The following LIX1L variants were observed in gnomAD, a reference collection of about 807,000 sequenced individuals.
LIX1L encodes limb and CNS expressed 1 like, also known as LIX1-like protein.
A neutral mutation model predicts 34.0 loss-of-function variants in LIX1L; 20 were observed. The observed-to-expected ratio is 0.59, with a 90% CI of 0.41 to 0.85. The LOEUF (loss-of-function observed/expected upper bound fraction) is 0.85, where lower values mean the gene tolerates loss of function less well. LIX1L is among the 40% of genes least tolerant of loss of function. The pLI is 0.00. For synonymous variants in LIX1L, 170 were observed against 187.4 expected (o/e 0.91, Z 0.76); for missense variants, 397 against 447.0 (o/e 0.89, Z 1.01).
intron 1 of LIX1L, among the ~76,000 whole-genome samples, chr1:145,955,631 A>ATT (rs1649447582): frequency 6.6e-6 from 1 of 152,224 alleles, no homozygotes; most frequent in Non-Finnish European, 1.5e-5. Flanking sequence ...CATGTGGTAA[A>ATT]GGACTTCTGA....
At position 145,935,467 on chromosome 1, in the gene LIX1L, T is replaced by G. The variant is rs587611328; in HGVS notation, c.*843A>C. On this transcript the variant is annotated 3_prime_UTR_variant, in exon 6 of 6. Coordinates refer to ENST00000604000, the MANE Select transcript of LIX1L (RefSeq NM_153713.3). ...ATAAAATGTTAGGTGAAGGGAAATA[T>G]GGAAATATGTTTTACTTTCTACTAA... 2.6e-5 allele frequency: 4 copies of G among 152,488 alleles called. No individual in the cohort carries two copies. Among genetic ancestry groups the G allele is most frequent in the African/African-American group, 4.8e-5 (2 of 41,586 alleles). The allele number at this position is 152,488 out of a possible 1,614,324, so 9.4% of individuals were successfully genotyped here. A position where few individuals can be genotyped will look rare whatever the true frequency, so the allele number is the denominator to read the frequency against.
intron 1 of LIX1L, 97 bp from the exon 2 acceptor site, chr1:145,947,879 G>GT (rs1649167679): frequency 3.7e-6 from 4 of 1,081,726 alleles, no homozygotes; most frequent in Non-Finnish European, 5.5e-6. Flanking sequence ...CCTACATTAA[G>GT]AGTCTGCCCC....
At chr1:145,942,513 TA>T (rs1442891765) in intron 3 of LIX1L, among the ~76,000 whole-genome samples, 199 bp downstream of exon 3, 3 of 151,976 alleles carry the variant, frequency 2.0e-5, no homozygotes, top group African/African-American at 7.3e-5. Flanking sequence ...AAAAAACACA[TA>T]AACACAGATA....
At chr1:145,942,988 T>G in intron 2 of LIX1L, 135 bp from the exon 3 acceptor site, 1 of 850,918 alleles carries the variant, frequency 1.2e-6, no homozygotes, top group South Asian at 1.7e-5. Context: ...CAACACACTT[T>G]CCAAGGTTTT....
chr1:145,937,778 A>G, intron 3 of LIX1L, 79 bp from the exon 4 acceptor site: 1 of 846,488 alleles, frequency 1.2e-6, no homozygotes, highest in South Asian at 1.4e-5. Flanking sequence ...CAGTAGAAAT[A>G]TAATGCAAGC....
chr1:145,941,090 A>C (rs1648898355), intron 3 of LIX1L: 2 of 152,168 alleles, frequency 1.3e-5, no homozygotes, highest in African/African-American at 4.8e-5. Flanking sequence ...GATTAATATA[A>C]AAATGTTTTC....
At position 145,957,717 on chromosome 1, in the gene LIX1L, C is replaced by T; in HGVS notation, c.211G>A (p.Ala71Thr). ...APGLPLPPGAAGSPAVLREAV... is the reference protein window; with the variant it reads ...APGLPLPPGATGSPAVLREAV... ...TCTCGCAGCACTGCCGGGCTGCCGG[C>T]GGCGCCGGGGGGCAGGGGTAGTCCT... Residue 71 changes from alanine (A) to threonine (T), a missense_variant, in exon 1 of 6, where the codon GCC becomes ACC. This residue lies in a region of LIX1L where 207 missense variants were observed against 205.2 expected (regional missense o/e 1.01). Coordinates refer to ENST00000604000, the MANE Select transcript of LIX1L (RefSeq NM_153713.3). The T allele has an allele frequency of 1.3e-6, 2 of 1,486,220 alleles. No homozygotes were observed. Among genetic ancestry groups the T allele is most frequent in the Non-Finnish European group, 8.9e-7 (1 of 1,123,466 alleles). The allele number at this position is 1,486,220 out of a possible 1,614,324, so 92.1% of individuals were successfully genotyped here.
rs75539445 is a variant in LIX1L, at chr1:145,935,598, C to T, written c.*712G>A. On this transcript the variant is annotated 3_prime_UTR_variant, in exon 6 of 6. Coordinates refer to ENST00000604000, the MANE Select transcript of LIX1L (RefSeq NM_153713.3). The stretch of plus-strand genomic sequence containing the variant: ...GAGAATCAGTTTCAACCATAACCCC[C>T]ATCTACTGTAGAGTATATCCAGAAA... 3.9e-3 allele frequency: 587 copies of T among 152,432 alleles called. 5 individuals are homozygous for T. Among genetic ancestry groups the T allele is most frequent in the South Asian group, 0.028 (133 of 4,826 alleles). 9.4% of individuals were successfully genotyped at this position (152,432 alleles called of 1,614,324 possible).
intron 2 of LIX1L, among the ~76,000 whole-genome samples, chr1:145,946,764 G>A (rs899223979): frequency 6.6e-6 from 1 of 152,174 alleles, no homozygotes; most frequent in Non-Finnish European, 1.5e-5. Flanking sequence ...TGATATGATA[G>A]GGGAAGTTCA....
chr1:145,957,963 C>G lies in LIX1L; in HGVS notation c.-36G>C. 7.2e-7 allele frequency: 1 copy of G among 1,385,910 alleles called. No individual in the cohort carries two copies. Among genetic ancestry groups the G allele is most frequent in the Non-Finnish European group, 9.4e-7 (1 of 1,059,464 alleles). The allele number at this position is 1,385,910 out of a possible 1,614,324, so 85.9% of individuals were successfully genotyped here. ...AATGGAGTAGCGCCCCGGAGCCTGCCAGCCTGCCGAGCTAACGGTCCCAAC... is the reference window on the plus strand; with the variant it reads ...AATGGAGTAGCGCCCCGGAGCCTGCGAGCCTGCCGAGCTAACGGTCCCAAC... On this transcript the variant is annotated 5_prime_UTR_variant, in exon 1 of 6. Coordinates refer to ENST00000604000, the MANE Select transcript of LIX1L (RefSeq NM_153713.3).
chr1:145,956,251 T>C (rs971906857), intron 1 of LIX1L, among the ~76,000 whole-genome samples: 1 of 152,204 alleles, frequency 6.6e-6, no homozygotes. Context: ...GGGAAATTGA[T>C]GATGAATGAA....
At chr1:145,951,060 T>G (rs1340920488) in intron 1 of LIX1L, among the ~76,000 whole-genome samples, 1 of 152,184 alleles carries the variant, frequency 6.6e-6, no homozygotes, top group African/African-American at 2.4e-5. Flanking sequence ...ATTTATTTTA[T>G]TTTTGAGTTG....
intron 1 of LIX1L, among the ~76,000 whole-genome samples, chr1:145,953,547 G>A (rs2101908548): frequency 6.6e-6 from 1 of 152,262 alleles, no homozygotes; most frequent in Admixed American, 6.5e-5. Context: ...CAGTCTCTTT[G>A]GAAGGAGAGA....
At chr1:145,953,164 C>T (rs748964982) in intron 1 of LIX1L, among the ~76,000 whole-genome samples, 2 of 152,250 alleles carry the variant, frequency 1.3e-5, no homozygotes, top group South Asian at 2.1e-4. Flanking sequence ...AATCCTCCTG[C>T]GCTGGCCTCC....
intron 1 of LIX1L, among the ~76,000 whole-genome samples, chr1:145,950,652 C>T (rs1389648704): frequency 6.6e-6 from 1 of 152,238 alleles, no homozygotes; most frequent in African/African-American, 2.4e-5. Context: ...AGGCGCAAGC[C>T]ACCACGCCCG....
chr1:145,957,685 C>T lies in LIX1L; in HGVS notation c.243G>A (p.Val81=), dbSNP rs897257696. ...TGGCGAAGCTCCTCACCACGGCCTC[C>T]ACGGCCTCTCGCAGCACTGCCGGGC... ...AGSPAVLREA[V]EAVVRSFAKH... Residue 81 remains valine (V), a synonymous_variant, in exon 1 of 6, where the codon GTG becomes GTA. Transcript: ENST00000604000. The T allele has an allele frequency of 1.4e-5, 21 of 1,534,114 alleles. No homozygotes were observed. Among genetic ancestry groups the T allele is most frequent in the Non-Finnish European group, 1.7e-5 (20 of 1,146,576 alleles).
Position 145,957,948 on chromosome 1 carries a change from C to G in LIX1L, c.-21G>C. 7.0e-7 allele frequency: 1 copy of G among 1,433,670 alleles called. No individual in the cohort carries two copies. The highest frequency in any genetic ancestry group is 9.2e-7 in the Non-Finnish European group (1 of 1,090,370). The allele number at this position is 1,433,670 out of a possible 1,614,324, so 88.8% of individuals were successfully genotyped here. ...TCCATCCCGGCCGCCAATGGAGTAG[C>G]GCCCCGGAGCCTGCCAGCCTGCCGA... On this transcript the variant is annotated 5_prime_UTR_variant, in exon 1 of 6. Coordinates refer to ENST00000604000, the MANE Select transcript of LIX1L (RefSeq NM_153713.3).
Position 145,957,637 on chromosome 1 carries a change from T to C in LIX1L, c.291A>G (p.Arg97=). The C allele has an allele frequency of 6.5e-7, 1 of 1,534,692 alleles. No homozygotes were observed. The highest frequency in any genetic ancestry group is 8.7e-7 in the Non-Finnish European group (1 of 1,145,598). ...AGGAGGCCAGACCCGCAGACTCACCTCGGCCATAGCCCTGCGTGTGCTTGG... is the reference window on the plus strand; with the variant it reads ...AGGAGGCCAGACCCGCAGACTCACCCCGGCCATAGCCCTGCGTGTGCTTGG... The part of the protein sequence containing the change: ...SFAKHTQGYG[R]VNVVEALQEF... The change falls in exon 1 of 6, where the codon CGA becomes CGG. Residue 97 remains arginine, a splice_region_variant and synonymous_variant. Transcript: ENST00000604000.
At chr1:145,936,811 T>C in intron 5 of LIX1L, 97 bp downstream of exon 5, 1 of 927,470 alleles carries the variant, frequency 1.1e-6, no homozygotes, top group Non-Finnish European at 1.8e-6. Flanking sequence ...CAACCATAGG[T>C]CACAATAGAC....
Sources: gnomAD v4.1 joint callset for allele counts (sites outside exome capture counted in the v4.1 genomes callset) on GRCh38, gnomAD v4.1.1 for gene constraint, gnomAD v4.1.1 regional missense constraint, MANE v1.5 for transcripts, NCBI Gene and HGNC (gene_info 2026-07-23, HGNC 2026-07-21) for gene names.